RAB7A: variants seen among roughly 807,000 people sequenced by gnomAD.
RAB7A encodes ras-related protein Rab-7a.
Under a neutral mutation model 24.5 loss-of-function variants are expected in RAB7A, and 2 were observed. That is an observed-to-expected ratio of 0.08 (90% CI 0.03 to 0.26). RAB7A has a LOEUF of 0.26. Among genes scored for constraint, RAB7A ranks in the 10% least tolerant of loss-of-function variants. RAB7A has a pLI of 1.00. For synonymous variants in RAB7A, 100 were observed against 95.9 expected (o/e 1.04, Z -0.25); for missense variants, 118 against 255.7 (o/e 0.46, Z 3.67).
intron 1 of RAB7A, among the ~76,000 whole-genome samples, chr3:128,768,983 T>TC (rs1483351722): frequency 2.8e-5 from 4 of 141,020 alleles, no homozygotes; most frequent in Non-Finnish European, 6.1e-5. Context: ...TTTTTTTTTT[T>TC]TTTTTTTTTT....
chr3:128,753,090 G>C (rs1175622226), intron 1 of RAB7A, among the ~76,000 whole-genome samples: 1 of 152,044 alleles, frequency 6.6e-6, no homozygotes, highest in African/African-American at 2.4e-5. Context: ...GATCATCATC[G>C]GATTTCTCTT....
At chr3:128,794,749 T>G (rs2107610657) in intron 1 of RAB7A, among the ~76,000 whole-genome samples, 1 of 152,030 alleles carries the variant, frequency 6.6e-6, no homozygotes, top group Admixed American at 6.5e-5. Flanking sequence ...TGGAAAAGAG[T>G]AGTCACTAGA....
chr3:128,813,872 C>A lies in RAB7A; in HGVS notation c.*450C>A, dbSNP rs556493561. 212 of 261,902 alleles carry A rather than the reference C, an allele frequency of 8.1e-4. No individual in the cohort carries two copies. The highest frequency in any genetic ancestry group is 4.4e-3 in the African/African-American group (199 of 45,288). The allele number at this position is 261,902 out of a possible 1,614,324, so 16.2% of individuals were successfully genotyped here. A position where few individuals can be genotyped will look rare whatever the true frequency, so the allele number is the denominator to read the frequency against. ...TTTTTACCCCCCCTTTCCCCTCCCT[C>A]CTTGAAGGCTACCCCTTGGGAAGGC... On this transcript the variant is annotated 3_prime_UTR_variant, in exon 6 of 6. Transcript: ENST00000265062.
intron 3 of RAB7A, among the ~76,000 whole-genome samples, chr3:128,803,635 T>TG (rs1345695701): frequency 2.0e-5 from 3 of 151,916 alleles, no homozygotes; most frequent in Non-Finnish European, 4.4e-5. Context: ...GCATGGGGAG[T>TG]GAAAAACTGC....
intron 2 of RAB7A, among the ~76,000 whole-genome samples, chr3:128,797,044 C>T (rs1320847937): frequency 6.6e-6 from 1 of 152,190 alleles, no homozygotes; most frequent in East Asian, 1.9e-4. Context: ...CTCTCTCCTA[C>T]CCCGCAACTC....
intron 3 of RAB7A, among the ~76,000 whole-genome samples, chr3:128,802,497 T>G (rs747879303): frequency 1.1e-4 from 16 of 152,284 alleles, no homozygotes; most frequent in African/African-American, 3.4e-4. Context: ...TTTATTTTAT[T>G]TATGTATGTA....
rs1298791101 is a variant in RAB7A, at chr3:128,776,522, C to T, written c.-8-18838C>T. 2.0e-5 allele frequency among the ~76,000 whole-genome samples: 3 copies of T among 152,280 alleles called. No individual in the cohort carries two copies. In the East Asian group the frequency reaches 5.8e-4, roughly 29 times the overall value. ...CTGGTCTCAAACTCTTGGGCTCAAG[C>T]AATCCTTCTGTCTTGGCCTCCCAAA... is the stretch of plus-strand genomic sequence containing the variant. On this transcript the variant is annotated intron_variant, in intron 1 of 5. Coordinates refer to ENST00000265062, the MANE Select transcript of RAB7A (RefSeq NM_004637.6).
At chr3:128,740,286 C>T (rs1337712770) in intron 1 of RAB7A, among the ~76,000 whole-genome samples, 1 of 151,800 alleles carries the variant, frequency 6.6e-6, no homozygotes, top group East Asian at 1.9e-4. Flanking sequence ...GAGGCTGAGG[C>T]AGGAGAATCG....
In RAB7A at chr3:128,807,586, A is replaced by C; in HGVS notation, c.443A>C (p.Asn148Thr). ...RAQAWCYSKN[N>T]IPYFETSAKE... ...CAGGCCTGGTGCTACAGCAAAAACA[A>C]CATTCCCTACTTTGAGACCAGTGCC... Residue 148 changes from asparagine to threonine, a missense_variant, in exon 5 of 6, where the codon AAC becomes ACC. Physicochemically the swap from Asn to Thr is moderately conservative, Grantham distance 65. Coordinates refer to ENST00000265062, the MANE Select transcript of RAB7A (RefSeq NM_004637.6). 6.2e-7 allele frequency: 1 copy of C among 1,614,168 alleles called. No individual in the cohort carries two copies. Among genetic ancestry groups the C allele is most frequent in the East Asian group, 2.2e-5 (1 of 44,886 alleles).
chr3:128,781,768 C>A (rs1191905320), intron 1 of RAB7A, among the ~76,000 whole-genome samples: 1 of 152,116 alleles, frequency 6.6e-6, no homozygotes, highest in East Asian at 1.9e-4. Context: ...AATCCCAGCA[C>A]TTTGGGAGGC....
intron 2 of RAB7A, among the ~76,000 whole-genome samples, chr3:128,797,047 C>T (rs144460202): frequency 3.9e-4 from 59 of 152,286 alleles, no homozygotes; most frequent in East Asian, 9.7e-4. Context: ...TCTCCTACCC[C>T]GCAACTCCAT....
At chr3:128,754,927 G>C (rs555046053) in intron 1 of RAB7A, among the ~76,000 whole-genome samples, 3 of 152,312 alleles carry the variant, frequency 2.0e-5, no homozygotes, top group African/African-American at 7.2e-5. Flanking sequence ...TACAGCAGTA[G>C]TTGGGGACTT....
intron 1 of RAB7A, among the ~76,000 whole-genome samples, chr3:128,728,515 T>A (rs1449538030): frequency 6.6e-6 from 1 of 152,162 alleles, no homozygotes; most frequent in African/African-American, 2.4e-5. Flanking sequence ...CAGGCTAGAG[T>A]GCAATAGCGC....
chr3:128,802,921 C>T (rs796642726), intron 3 of RAB7A, among the ~76,000 whole-genome samples: 9 of 152,328 alleles, frequency 5.9e-5, no homozygotes, highest in Admixed American at 5.2e-4. Context: ...TCTCCTGCCT[C>T]GGCCTCCCAA....
chr3:128,764,014 T>G (rs921510049), intron 1 of RAB7A, among the ~76,000 whole-genome samples: 1 of 152,136 alleles, frequency 6.6e-6, no homozygotes, highest in Admixed American at 6.5e-5. Flanking sequence ...TTCATCAGAT[T>G]ATTTCAGGAG....
chr3:128,772,935 C>T (rs1298259490), intron 1 of RAB7A, among the ~76,000 whole-genome samples: 3 of 152,184 alleles, frequency 2.0e-5, no homozygotes, highest in Admixed American at 1.3e-4. Context: ...GATCTCGGCT[C>T]GCTACAACCT....
chr3:128,807,728 C>CCCTGCCTGGCCT (rs1206410260), intron 5 of RAB7A, 57 bp downstream of exon 5: 1 of 1,611,160 alleles, frequency 6.2e-7, no homozygotes, highest in Non-Finnish European at 8.5e-7. Context: ...CTGACCCAGT[C>CCCTGCCTGGCCT]CCTGCCTGGC....
intron 4 of RAB7A, 142 bp downstream of exon 4, chr3:128,806,732 C>A: frequency 1.1e-6 from 1 of 885,604 alleles, no homozygotes; most frequent in Non-Finnish European, 1.8e-6. Flanking sequence ...CCCTTCAGGC[C>A]AACTGCCTTT....
chr3:128,731,445 G>A (rs1403156720), intron 1 of RAB7A, among the ~76,000 whole-genome samples: 3 of 152,192 alleles, frequency 2.0e-5, no homozygotes, highest in African/African-American at 7.2e-5. Flanking sequence ...TTAAAAAAGC[G>A]ATAACATTTT....
Sources: allele counts gnomAD v4.1 joint callset (sites outside exome capture counted in the v4.1 genomes callset), GRCh38; gene constraint gnomAD v4.1.1; transcripts MANE v1.5; gene names NCBI Gene and HGNC (gene_info 2026-07-23, HGNC 2026-07-21).